The following TMEM132D variants were observed in gnomAD, a reference collection of about 807,000 sequenced individuals.
TMEM132D encodes the protein transmembrane protein 132D.
A neutral mutation model predicts 62.3 loss-of-function variants in TMEM132D; 21 were observed. The observed-to-expected ratio is 0.34, with a 90% CI of 0.24 to 0.49. The LOEUF (loss-of-function observed/expected upper bound fraction) is 0.49. Among genes scored for constraint, TMEM132D ranks in the 20% least tolerant of loss-of-function variants. The pLI is 0.99. For missense variants in TMEM132D, 1,346 were observed against 1,402.8 expected, an observed-to-expected ratio of 0.96 and a Z score of 0.65; for synonymous variants, 621 against 575.6, an observed-to-expected ratio of 1.08 and a Z score of -1.13.
chr12:129,446,918 A>C (rs1047143309), intron 3 of TMEM132D, among the ~76,000 whole-genome samples: 1 of 152,212 alleles, frequency 6.6e-6, no homozygotes, highest in African/African-American at 2.4e-5. Context: ...AATGCTTCGG[A>C]TATGGAGCAT....
intron 5 of TMEM132D, among the ~76,000 whole-genome samples, chr12:129,170,612 G>T (rs1405470719): frequency 6.6e-6 from 1 of 152,032 alleles, no homozygotes; most frequent in African/African-American, 2.4e-5. Context: ...ATCACTTGAG[G>T]TCAGGAGTTT....
At chr12:129,396,286 C>T (rs77277092) in intron 3 of TMEM132D, among the ~76,000 whole-genome samples, 5,402 of 152,030 alleles carry the variant, frequency 0.036, 295 homozygotes, top group African/African-American at 0.12. Context: ...ATGGTTGTGG[C>T]GGACACTCTT....
intron 3 of TMEM132D, among the ~76,000 whole-genome samples, chr12:129,456,767 G>A (rs544745304): frequency 1.1e-4 from 17 of 152,020 alleles, no homozygotes; most frequent in Non-Finnish European, 2.4e-4. Context: ...TCTCCTCTAC[G>A]AGCTGCATCT....
At chr12:129,215,653 G>A (rs1879179848) in intron 4 of TMEM132D, among the ~76,000 whole-genome samples, 1 of 152,178 alleles carries the variant, frequency 6.6e-6, no homozygotes, top group South Asian at 2.1e-4. Flanking sequence ...TTTCAGTGTA[G>A]TGAACTATTA....
At chr12:129,101,742 A>G (rs1875313787) in intron 5 of TMEM132D, among the ~76,000 whole-genome samples, 1 of 152,176 alleles carries the variant, frequency 6.6e-6, no homozygotes, top group Non-Finnish European at 1.5e-5. Context: ...AGGCTGTGAC[A>G]GTTCATTTAT....
At chr12:129,706,522 T>A (rs375037571) in intron 1 of TMEM132D, among the ~76,000 whole-genome samples, 286 of 152,056 alleles carry the variant, frequency 1.9e-3, no homozygotes, top group Middle Eastern at 7.3e-3. Context: ...AAGTAGAAAT[T>A]GATAGTAACT....
At chr12:129,537,970 G>C (rs778738770) in intron 2 of TMEM132D, among the ~76,000 whole-genome samples, 4 of 152,126 alleles carry the variant, frequency 2.6e-5, no homozygotes, top group Non-Finnish European at 5.9e-5. Context: ...CCTCATCGAC[G>C]CGGCACACAG....
In TMEM132D at chr12:129,074,740, G is replaced by A. The variant is rs2135604476; in HGVS notation, c.2435C>T (p.Thr812Ile). ...ANPNTSDSRH[T>I]GAGVHMENNV... ...GTTTTCCATGTGAACCCCTGCCCCT[G>A]TGTGTCTGCTGTCACTGGTGTTGGG... is the stretch of plus-strand genomic sequence containing the variant. Residue 812 changes from threonine to isoleucine, a missense_variant, in exon 9 of 9, where the codon ACA becomes ATA. Physicochemically the swap from Thr to Ile is moderately conservative, Grantham distance 89. Transcript: ENST00000422113. 3 of 1,614,118 alleles carry A rather than the reference G, an allele frequency of 1.9e-6. No homozygotes were observed. In the East Asian group the frequency reaches 6.7e-5, roughly 36 times the overall value.
intron 5 of TMEM132D, among the ~76,000 whole-genome samples, chr12:129,182,892 C>T (rs1299235290): frequency 6.6e-6 from 1 of 152,200 alleles, no homozygotes; most frequent in East Asian, 1.9e-4. Context: ...TTGACTGAGG[C>T]TCCTTAGGGA....
chr12:129,456,949 G>A (rs1219875021), intron 3 of TMEM132D, among the ~76,000 whole-genome samples: 1 of 152,252 alleles, frequency 6.6e-6, no homozygotes, highest in East Asian at 1.9e-4. Context: ...AACAGGTGCT[G>A]GAGAGGATGT....
chr12:129,799,736 T>G (rs77814023), intron 1 of TMEM132D, among the ~76,000 whole-genome samples: 2,404 of 152,234 alleles, frequency 0.016, 28 homozygotes, highest in Non-Finnish European at 0.023. Context: ...GCTTTGGTAC[T>G]GGGGAGTAGC....
intron 3 of TMEM132D, among the ~76,000 whole-genome samples, chr12:129,360,366 A>G (rs1359089130): frequency 6.6e-6 from 1 of 152,158 alleles, no homozygotes; most frequent in Non-Finnish European, 1.5e-5. Flanking sequence ...TGGTCATTTT[A>G]TGTTCTTTCT....
At chr12:129,718,662 ATAC>A in intron 1 of TMEM132D, among the ~76,000 whole-genome samples, 1 of 152,182 alleles carries the variant, frequency 6.6e-6, no homozygotes, top group Non-Finnish European at 1.5e-5. Flanking sequence ...GCTCACCATG[ATAC>A]TGTGGTGTTT....
chr12:129,470,191 G>A (rs1874053010), intron 3 of TMEM132D, among the ~76,000 whole-genome samples: 1 of 152,208 alleles, frequency 6.6e-6, no homozygotes, highest in Admixed American at 6.5e-5. Context: ...AAAGCGATTT[G>A]TTTTGGGAGA....
At chr12:129,429,884 C>T (rs1242863347) in intron 3 of TMEM132D, among the ~76,000 whole-genome samples, 1 of 151,924 alleles carries the variant, frequency 6.6e-6, no homozygotes, top group African/African-American at 2.4e-5. Flanking sequence ...TTTCCAGCTT[C>T]ATCCATGTCC....
At chr12:129,584,657 G>A (rs1335983134) in intron 2 of TMEM132D, among the ~76,000 whole-genome samples, 6 of 152,216 alleles carry the variant, frequency 3.9e-5, no homozygotes, top group African/African-American at 1.2e-4. Context: ...TAAAGAGGAC[G>A]AAGGAACCAG....
chr12:129,402,419 C>G (rs1329604636), intron 3 of TMEM132D, among the ~76,000 whole-genome samples: 1 of 152,190 alleles, frequency 6.6e-6, no homozygotes, highest in Non-Finnish European at 1.5e-5. Flanking sequence ...AATCATCCCT[C>G]AGAATCCCTC....
chr12:129,130,493 C>T (rs1274073108), intron 5 of TMEM132D, among the ~76,000 whole-genome samples: 2 of 152,176 alleles, frequency 1.3e-5, no homozygotes, highest in African/African-American at 2.4e-5. Context: ...CCACCGTCCG[C>T]GGTCTGCTGC....
chr12:129,253,374 A>G (rs1432484288), intron 4 of TMEM132D, among the ~76,000 whole-genome samples: 2 of 151,936 alleles, frequency 1.3e-5, no homozygotes, highest in Non-Finnish European at 2.9e-5. Flanking sequence ...AGATGTGCGC[A>G]CCCCACCCAA....
Sources: gnomAD v4.1 joint callset for allele counts (sites outside exome capture counted in the v4.1 genomes callset) on GRCh38, gnomAD v4.1.1 for gene constraint, MANE v1.5 for transcripts, NCBI Gene and HGNC (gene_info 2026-07-23, HGNC 2026-07-21) for gene names.